LYRM4: variants seen among roughly 807,000 people sequenced by gnomAD.
LYRM4 encodes LYR motif-containing protein 4.
A neutral mutation model predicts 11.7 loss-of-function variants in LYRM4; 9 were observed. The observed-to-expected ratio is 0.77, with a 90% CI of 0.46 to 1.34. The LOEUF (loss-of-function observed/expected upper bound fraction) is 1.34. LYRM4 is among the 40% of genes most tolerant of loss of function. The pLI is 0.00. For synonymous variants in LYRM4, 42 were observed against 40.4 expected, an observed-to-expected ratio of 1.04 and a Z score of -0.15; for missense variants, 133 against 112.5, an observed-to-expected ratio of 1.18 and a Z score of -0.82.
chr6:5,247,175 C>T (rs1764233262), intron 1 of LYRM4, among the ~76,000 whole-genome samples: 1 of 145,846 alleles, frequency 6.9e-6, no homozygotes, highest in African/African-American at 2.8e-5. Context: ...GGGAATTTAC[C>T]TCAAGTTTCA....
At chr6:5,224,684 G>C (rs1581544688) in intron 1 of LYRM4, among the ~76,000 whole-genome samples, 1 of 152,206 alleles carries the variant, frequency 6.6e-6, no homozygotes, top group African/African-American at 2.4e-5. Context: ...TTTCAGCCAG[G>C]CACGGTAGCT....
At chr6:5,191,215 G>A (rs1044818399) in intron 2 of LYRM4, among the ~76,000 whole-genome samples, 1 of 152,120 alleles carries the variant, frequency 6.6e-6, no homozygotes, top group Non-Finnish European at 1.5e-5. Context: ...AGAGAGAATG[G>A]GGTCACATGA....
At chr6:5,239,068 G>A (rs1196187241) in intron 1 of LYRM4, among the ~76,000 whole-genome samples, 1 of 152,244 alleles carries the variant, frequency 6.6e-6, no homozygotes, top group African/African-American at 2.4e-5. Flanking sequence ...GCAATAGGCA[G>A]GATGCCTGGC....
At chr6:5,260,598 T>TGCCCCGGCCCCGGGGCCCC in intron 1 of LYRM4, 50 bp downstream of exon 1, 3 of 1,105,566 alleles carry the variant, frequency 2.7e-6, no homozygotes, top group South Asian at 1.3e-5. Flanking sequence ...GCACCCCCGG[T>TGCCCCGGCCCCGGGGCCCC]CCCCGGCCCC....
chr6:5,181,185 AC>A (rs1760051544), intron 2 of LYRM4, among the ~76,000 whole-genome samples: 1 of 152,184 alleles, frequency 6.6e-6, no homozygotes, highest in Non-Finnish European at 1.5e-5. Flanking sequence ...AAAACCACAA[AC>A]CTGGTTGAAA....
chr6:5,050,526 T>C, the LYRM4 span, among the ~76,000 whole-genome samples: 1 of 152,242 alleles, frequency 6.6e-6, no homozygotes, highest in African/African-American at 2.4e-5. Flanking sequence ...TGGAGCCTGC[T>C]CTTTTTTTTC....
chr6:5,181,246 G>C (rs1760054526), intron 2 of LYRM4, among the ~76,000 whole-genome samples: 1 of 152,158 alleles, frequency 6.6e-6, no homozygotes, highest in African/African-American at 2.4e-5. Context: ...CAACTTCTTT[G>C]CCTTAGAATT....
chr6:5,069,503 A>C, the LYRM4 span, among the ~76,000 whole-genome samples: 1 of 150,838 alleles, frequency 6.6e-6, no homozygotes, highest in Non-Finnish European at 1.5e-5. Flanking sequence ...TTTTGTTTTT[A>C]CGAAGTCTTG....
chr6:5,217,724 T>C (rs1380445815), intron 1 of LYRM4, among the ~76,000 whole-genome samples: 2 of 152,206 alleles, frequency 1.3e-5, no homozygotes, highest in African/African-American at 2.4e-5. Flanking sequence ...AGTCACACCA[T>C]AGTGTGTGTA....
At chr6:5,099,373 TA>T (rs555939875), downstream of LYRM4, among the ~76,000 whole-genome samples, 47 of 130,080 alleles carry the variant, frequency 3.6e-4, no homozygotes, top group African/African-American at 1.2e-3. The surrounding 1 kb of genome is among the most constrained non-coding windows in gnomAD (Gnocchi z 4.3). Context: ...CTCGGCTAAT[TA>T]AAAAAAAAAT....
chr6:5,116,704 T>G (rs963849153), intron 2 of LYRM4, among the ~76,000 whole-genome samples: 1 of 152,180 alleles, frequency 6.6e-6, no homozygotes, highest in Admixed American at 6.5e-5. Flanking sequence ...TTTATTCTAT[T>G]AAGTTTAGGG....
At chr6:5,213,394 A>G (rs1391389373) in intron 2 of LYRM4, among the ~76,000 whole-genome samples, 3 of 152,182 alleles carry the variant, frequency 2.0e-5, no homozygotes, top group Non-Finnish European at 4.4e-5. Flanking sequence ...CTGAAGAATG[A>G]GTGGAAAGCA....
intron 2 of LYRM4, among the ~76,000 whole-genome samples, chr6:5,133,271 T>G (rs1290230595): frequency 6.6e-6 from 1 of 152,236 alleles, no homozygotes; most frequent in Non-Finnish European, 1.5e-5. Flanking sequence ...TTTCCTAAAT[T>G]TTATTTTCTA....
chr6:5,104,102 C>T (rs117990461), downstream of LYRM4: 97 of 152,174 alleles, frequency 6.4e-4, no homozygotes, highest in East Asian at 2.7e-3. Flanking sequence ...TATAGAGCAA[C>T]CTTCCTCAAA....
the LYRM4 span, among the ~76,000 whole-genome samples, chr6:5,036,157 C>T: frequency 2.7e-5 from 4 of 147,656 alleles, no homozygotes; most frequent in Non-Finnish European, 5.9e-5. Context: ...TTAATTTGAG[C>T]TATATCTATA....
chr6:5,110,228 T>C (rs551325064), intron 2 of LYRM4, among the ~76,000 whole-genome samples: 7 of 150,588 alleles, frequency 4.6e-5, no homozygotes, highest in Non-Finnish European at 1.0e-4. Flanking sequence ...GGGCTGATCA[T>C]TAGCAACTCT....
In LYRM4 at chr6:5,232,631, A is replaced by G. The variant is rs74769359; in HGVS notation, c.87-15893T>C. Among the ~76,000 whole-genome samples the G allele has an allele frequency of 6.0e-3, 913 of 152,302 alleles. 10 individuals are homozygous for G. The highest frequency in any genetic ancestry group is 0.043 in the South Asian group (210 of 4,828). On this transcript the variant is annotated intron_variant, in intron 1 of 2. Coordinates refer to ENST00000330636, the MANE Select transcript of LYRM4 (RefSeq NM_020408.6). ...TGCTGTTTGGATGTTGTCCTTAAGT[A>G]TGTAGATACCAGGTTGCAAATGGTG... is the stretch of plus-strand genomic sequence containing the variant.
At chr6:5,225,616 T>C (rs1762842265) in intron 1 of LYRM4, among the ~76,000 whole-genome samples, 1 of 152,360 alleles carries the variant, frequency 6.6e-6, no homozygotes, top group East Asian at 1.9e-4. Flanking sequence ...CGTTTATTAA[T>C]GGATGTTTAG....
chr6:5,221,422 C>T (rs1361041304), intron 1 of LYRM4, among the ~76,000 whole-genome samples: 2 of 152,098 alleles, frequency 1.3e-5, no homozygotes, highest in Non-Finnish European at 2.9e-5. Context: ...TGGCTGGGTG[C>T]GGTGGCTCAT....
Sources: allele counts gnomAD v4.1 joint callset (sites outside exome capture counted in the v4.1 genomes callset), GRCh38; gene constraint gnomAD v4.1.1; non-coding constraint Gnocchi (gnomAD v3.1); transcripts MANE v1.5; gene names NCBI Gene and HGNC (gene_info 2026-07-23, HGNC 2026-07-21).